The following NEK11 variants were observed in gnomAD, a reference collection of about 807,000 sequenced individuals.
NEK11 encodes the protein serine/threonine-protein kinase Nek11.
A neutral mutation model predicts 80.7 loss-of-function variants in NEK11; 72 were observed. The observed-to-expected ratio is 0.89, with a 90% CI of 0.74 to 1.08. The LOEUF (loss-of-function observed/expected upper bound fraction) is 1.08, where lower values mean the gene tolerates loss of function less well. Ranked by LOEUF, NEK11 falls within the 50% of genes least tolerant of loss-of-function variation. The probability of loss-of-function intolerance (pLI) is 0.00; values close to 1 mark genes in which losing one functional copy is unlikely to be tolerated. For missense variants in NEK11, 764 were observed against 763.6 expected (o/e 1.00, Z -0.01); for synonymous variants, 251 against 260.7 (o/e 0.96, Z 0.36).
chr3:131,152,799 C>CTTACTGAATCAT, intron 9 of NEK11, 90 bp downstream of exon 9: 3 of 917,274 alleles, frequency 3.3e-6, no homozygotes, highest in Non-Finnish European at 5.1e-6. Context: ...GGATATGATT[C>CTTACTGAATCAT]AGTAAGAATC....
intron 7 of NEK11, among the ~76,000 whole-genome samples, chr3:131,148,324 G>A (rs1043724753): frequency 7.2e-5 from 11 of 151,800 alleles, no homozygotes; most frequent in Non-Finnish European, 1.2e-4. Context: ...ACATTTGCTC[G>A]TAATTTTCCT....
At chr3:131,168,006 TTG>T (rs1479255617) in intron 12 of NEK11, among the ~76,000 whole-genome samples, 5 of 152,252 alleles carry the variant, frequency 3.3e-5, no homozygotes, top group Non-Finnish European at 7.3e-5. Flanking sequence ...TAGATGGCTG[TTG>T]AGTCTGTTCT....
intron 17 of NEK11, among the ~76,000 whole-genome samples, chr3:131,320,872 A>G (rs914172341): frequency 6.6e-6 from 1 of 152,200 alleles, no homozygotes; most frequent in Non-Finnish European, 1.5e-5. Flanking sequence ...ATACAAAAAC[A>G]TTCCATATTC....
intron 14 of NEK11, among the ~76,000 whole-genome samples, chr3:131,181,281 A>G (rs1015937682): frequency 5.9e-5 from 9 of 152,208 alleles, no homozygotes; most frequent in East Asian, 3.8e-4. Context: ...AGCTTTGAAG[A>G]TGGAGGAAGG....
intron 3 of NEK11, among the ~76,000 whole-genome samples, chr3:131,069,841 G>C (rs1474814130): frequency 1.3e-5 from 2 of 149,302 alleles, no homozygotes. Flanking sequence ...GTGGGGGGAT[G>C]GGGGAGGGAT....
chr3:131,158,724 G>A (rs1606935), intron 10 of NEK11, among the ~76,000 whole-genome samples: 66,552 of 152,110 alleles, frequency 0.44, 16,946 homozygotes, highest in Middle Eastern at 0.66. Flanking sequence ...AATGCCCACA[G>A]GGAGACAGGC....
At chr3:131,328,324 T>TG (rs1428721935) in intron 17 of NEK11, 2 of 146,820 alleles carry the variant, frequency 1.4e-5, no homozygotes, top group Non-Finnish European at 2.9e-5. Context: ...AAATAATTGC[T>TG]GAATGTGTCA....
chr3:131,100,008 G>C (rs1256369271), intron 4 of NEK11, among the ~76,000 whole-genome samples: 1 of 152,128 alleles, frequency 6.6e-6, no homozygotes, highest in African/African-American at 2.4e-5. Context: ...GAATGGGAGT[G>C]GTAAGAGTGG....
chr3:131,283,516 C>CTGTGTGTGTGTG (rs4044351), intron 17 of NEK11, among the ~76,000 whole-genome samples: 1 of 147,246 alleles, frequency 6.8e-6, no homozygotes, highest in Non-Finnish European at 1.5e-5. Flanking sequence ...CAGGCTATTA[C>CTGTGTGTGTGTG]TGTGTGTGTG....
At chr3:131,300,484 A>T (rs1485626823) in intron 17 of NEK11, among the ~76,000 whole-genome samples, 1 of 152,064 alleles carries the variant, frequency 6.6e-6, no homozygotes, top group Non-Finnish European at 1.5e-5. Flanking sequence ...TATTTCCTAG[A>T]TTACCTTCCA....
intron 4 of NEK11, among the ~76,000 whole-genome samples, chr3:131,102,170 A>T (rs927004564): frequency 3.9e-5 from 6 of 152,032 alleles, no homozygotes; most frequent in Admixed American, 6.6e-5. Flanking sequence ...TGGGATGTTT[A>T]GCTCATTTAC....
chr3:131,102,130 G>T (rs1414324235), intron 4 of NEK11, among the ~76,000 whole-genome samples: 3 of 151,994 alleles, frequency 2.0e-5, no homozygotes, highest in Non-Finnish European at 4.4e-5. Context: ...TGTTAGATGG[G>T]TGTTAGCTTG....
At chr3:131,310,236 A>G (rs1459790426) in intron 17 of NEK11, among the ~76,000 whole-genome samples, 2 of 152,122 alleles carry the variant, frequency 1.3e-5, no homozygotes, top group African/African-American at 4.8e-5. Flanking sequence ...GAGTCTCCAA[A>G]AGTTTGCTCA....
At chr3:131,246,374 T>A (rs1280330587) in intron 16 of NEK11, among the ~76,000 whole-genome samples, 1 of 152,188 alleles carries the variant, frequency 6.6e-6, no homozygotes, top group Non-Finnish European at 1.5e-5. Flanking sequence ...ATTCCTGAAC[T>A]ACTTCACTTA....
chr3:131,152,773 TGAAGATATGCAGTG>T, intron 9 of NEK11, 64 bp downstream of exon 9: 1 of 1,145,030 alleles, frequency 8.7e-7, no homozygotes, highest in Non-Finnish European at 1.3e-6. Context: ...TTCCATGACT[TGAAGATATGCAGTG>T]GGGATATGAT....
chr3:131,298,698 G>A (rs2096627760), intron 17 of NEK11, among the ~76,000 whole-genome samples: 1 of 151,944 alleles, frequency 6.6e-6, no homozygotes, highest in South Asian at 2.1e-4. Flanking sequence ...AGGTGGTGGT[G>A]GTGGTGGTGG....
At chr3:131,253,280 C>T (rs558433970) in intron 16 of NEK11, among the ~76,000 whole-genome samples, 8 of 152,014 alleles carry the variant, frequency 5.3e-5, no homozygotes, top group Non-Finnish European at 1.2e-4. Flanking sequence ...CATGAAGGCC[C>T]CTCATTTACA....
intron 14 of NEK11, among the ~76,000 whole-genome samples, chr3:131,220,133 T>C (rs578074737): frequency 1.3e-5 from 2 of 152,324 alleles, no homozygotes; most frequent in South Asian, 4.1e-4. Flanking sequence ...TGTTTTGTTT[T>C]GTTTTCATCT....
intron 17 of NEK11, among the ~76,000 whole-genome samples, chr3:131,293,441 A>C (rs2096564146): frequency 6.6e-6 from 1 of 152,122 alleles, no homozygotes; most frequent in African/African-American, 2.4e-5. Flanking sequence ...GATAAATCCC[A>C]CTTGGTCATG....
Sources: allele counts gnomAD v4.1 joint callset (sites outside exome capture counted in the v4.1 genomes callset), GRCh38; gene constraint gnomAD v4.1.1; transcripts MANE v1.5; gene names NCBI Gene and HGNC (gene_info 2026-07-23, HGNC 2026-07-21).